The following MREG variants were observed in gnomAD, a reference collection of about 807,000 sequenced individuals.
The protein encoded by MREG is dilute suppressor protein homolog.
MREG carries 31 observed loss-of-function variants against 28.5 expected under a neutral mutation model. That is an observed-to-expected ratio of 1.09 (90% CI 0.82 to 1.47). The LOEUF is 1.47. Ranked by LOEUF, MREG falls within the 40% of genes most tolerant of loss-of-function variation. The pLI is 0.00. For synonymous variants in MREG, 106 were observed against 95.2 expected (o/e 1.11, Z -0.66); for missense variants, 256 against 257.4 (o/e 0.99, Z 0.04).
At chr2:215,964,486 A>AACAG (rs1692882927) in intron 2 of MREG, among the ~76,000 whole-genome samples, 1 of 150,360 alleles carries the variant, frequency 6.7e-6, no homozygotes, top group African/African-American at 2.5e-5. Flanking sequence ...TGTCTCAAAA[A>AACAG]AAAGAAAGAA....
At chr2:215,981,506 T>A (rs971231857) in intron 2 of MREG, among the ~76,000 whole-genome samples, 1 of 152,190 alleles carries the variant, frequency 6.6e-6, no homozygotes, top group African/African-American at 2.4e-5. Context: ...GGGGAGTTAT[T>A]GTCTAGTGGG....
intron 2 of MREG, among the ~76,000 whole-genome samples, chr2:215,966,174 C>T (rs760109656): frequency 6.6e-6 from 1 of 152,164 alleles, no homozygotes; most frequent in African/African-American, 2.4e-5. Context: ...GGGAGACATC[C>T]TCAATGCCCC....
intron 2 of MREG, among the ~76,000 whole-genome samples, chr2:215,950,549 G>A (rs1391822175): frequency 6.6e-6 from 1 of 152,128 alleles, no homozygotes; most frequent in East Asian, 1.9e-4. Flanking sequence ...CACATGACAG[G>A]TGGTTGTTAA....
chr2:215,977,221 G>A lies in MREG; in HGVS notation c.255+19085C>T, dbSNP rs185021552. Among the ~76,000 whole-genome samples, 606 of 152,308 alleles carry A rather than the reference G, an allele frequency of 4.0e-3. 6 individuals are homozygous for A. Among genetic ancestry groups the A allele is most frequent in the Non-Finnish European group, 5.3e-3 (359 of 68,022 alleles). On this transcript the variant is annotated intron_variant, in intron 2 of 4. Coordinates refer to ENST00000263268, the MANE Select transcript of MREG (RefSeq NM_018000.3). ...AAATGGAAACCAACAAAAAGCAGGG[G>A]TTGCAACCCTAGTCTCTGATAAAAC...
downstream of MREG, chr2:215,939,617 C>G (rs1692172460): frequency 1.3e-5 from 2 of 152,180 alleles, no homozygotes; most frequent in Admixed American, 6.5e-5. Context: ...GCCTTGAGTA[C>G]TGCTGGGTTT....
intron 1 of MREG, among the ~76,000 whole-genome samples, chr2:216,001,237 G>A (rs1694006788): frequency 6.6e-6 from 1 of 152,280 alleles, no homozygotes; most frequent in Non-Finnish European, 1.5e-5. Flanking sequence ...CTATAGGAAG[G>A]TCAACCCCAG....
intron 2 of MREG, among the ~76,000 whole-genome samples, chr2:215,953,946 A>G (rs1457520863): frequency 6.6e-6 from 1 of 152,258 alleles, no homozygotes; most frequent in Non-Finnish European, 1.5e-5. Context: ...GGGAATAGAT[A>G]GGGCTTACAG....
intron 1 of MREG, among the ~76,000 whole-genome samples, chr2:216,005,842 TAA>T (rs35179294): frequency 0.21 from 26,636 of 125,786 alleles, 4,787 homozygotes; most frequent in African/African-American, 0.49. Flanking sequence ...AAGATTTTTG[TAA>T]AAAAAAAAAA....
intron 2 of MREG, among the ~76,000 whole-genome samples, chr2:215,988,239 A>G (rs1271803494): frequency 6.6e-6 from 1 of 152,200 alleles, no homozygotes; most frequent in Non-Finnish European, 1.5e-5. Context: ...TGCAGCCCAC[A>G]GAGGGCAAGC....
intron 1 of MREG, among the ~76,000 whole-genome samples, chr2:216,006,771 C>G (rs1371801172): frequency 6.6e-6 from 1 of 152,204 alleles, no homozygotes; most frequent in African/African-American, 2.4e-5. Context: ...AAATGAAAAA[C>G]CCTACAAATG....
At chr2:216,003,381 G>A (rs887855602) in intron 1 of MREG, among the ~76,000 whole-genome samples, 4 of 152,222 alleles carry the variant, frequency 2.6e-5, no homozygotes, top group East Asian at 1.9e-4. Flanking sequence ...TTCAAGGCTC[G>A]AAGACGGTCC....
intron 1 of MREG, among the ~76,000 whole-genome samples, chr2:216,031,428 GAA>G (rs35132167): frequency 1.8e-5 from 1 of 56,802 alleles, no homozygotes; most frequent in South Asian, 4.0e-4. Flanking sequence ...AAGAAAGAAA[GAA>G]AAGAAAGAAA....
intron 2 of MREG, among the ~76,000 whole-genome samples, chr2:215,989,011 A>G (rs1693654010): frequency 6.6e-6 from 1 of 152,212 alleles, no homozygotes; most frequent in South Asian, 2.1e-4. Flanking sequence ...TGAAGAGAGC[A>G]GTGGATCTCC....
chr2:215,956,695 C>T (rs144958294), intron 2 of MREG, among the ~76,000 whole-genome samples: 68 of 152,242 alleles, frequency 4.5e-4, no homozygotes, highest in Non-Finnish European at 7.6e-4. Flanking sequence ...TGCATCACCA[C>T]ATCCAGCTAA....
chr2:215,984,518 C>CAA (rs375220091), intron 2 of MREG, among the ~76,000 whole-genome samples: 258 of 68,028 alleles, frequency 3.8e-3, no homozygotes, highest in South Asian at 0.015. Context: ...ACCTTGTCAC[C>CAA]AAAAAAAAAA....
intron 1 of MREG, among the ~76,000 whole-genome samples, chr2:216,006,322 C>T (rs184347384): frequency 1.2e-4 from 18 of 152,360 alleles, no homozygotes; most frequent in Admixed American, 3.9e-4. Flanking sequence ...TTCCCTCCTA[C>T]GCGTTGGGCC....
intron 2 of MREG, among the ~76,000 whole-genome samples, chr2:215,971,345 C>T (rs192154607): frequency 6.6e-5 from 10 of 152,306 alleles, no homozygotes; most frequent in Admixed American, 2.0e-4. Context: ...CTGCTATCCA[C>T]GCTTGGAGGT....
At chr2:216,001,425 G>T (rs558385009) in intron 1 of MREG, among the ~76,000 whole-genome samples, 2 of 152,278 alleles carry the variant, frequency 1.3e-5, no homozygotes, top group Non-Finnish European at 1.5e-5. Flanking sequence ...CCCCTGGACC[G>T]GCAATGCCTC....
chr2:215,969,112 T>C (rs1048156123), intron 2 of MREG, among the ~76,000 whole-genome samples: 1 of 152,178 alleles, frequency 6.6e-6, no homozygotes, highest in Admixed American at 6.5e-5. Context: ...ATTTGAGTTT[T>C]AAAGGGGCCT....
Sources: allele counts gnomAD v4.1 joint callset (sites outside exome capture counted in the v4.1 genomes callset), GRCh38; gene constraint gnomAD v4.1.1; transcripts MANE v1.5; gene names NCBI Gene and HGNC (gene_info 2026-07-23, HGNC 2026-07-21).